NAF1: variants seen among roughly 807,000 people sequenced by gnomAD.
The protein encoded by NAF1 is nuclear assembly factor 1 ribonucleoprotein, also known as H/ACA ribonucleoprotein complex non-core subunit NAF1.
Under a neutral mutation model 40.6 loss-of-function variants are expected in NAF1, and 11 were observed. That is an observed-to-expected ratio of 0.27 (90% CI 0.17 to 0.45). NAF1 has a LOEUF of 0.45. Among genes scored for constraint, NAF1 ranks in the 20% least tolerant of loss-of-function variants. The pLI, the probability that NAF1 is intolerant of heterozygous loss-of-function variation, is 1.00. For missense variants in NAF1, 607 were observed against 611.1 expected, an observed-to-expected ratio of 0.99 and a Z score of 0.07; for synonymous variants, 260 against 228.5, an observed-to-expected ratio of 1.14 and a Z score of -1.24.
intron 2 of NAF1, among the ~76,000 whole-genome samples, chr4:163,117,708 CACACACACACGCAT>C: frequency 6.6e-6 from 1 of 151,664 alleles, no homozygotes; most frequent in Non-Finnish European, 1.5e-5. Flanking sequence ...CACACACACA[CACACACACACGCAT>C]GAATACATCA....
intron 2 of NAF1, among the ~76,000 whole-genome samples, chr4:163,152,903 C>A (rs1439093269): frequency 6.6e-6 from 1 of 152,174 alleles, no homozygotes; most frequent in African/African-American, 2.4e-5. Flanking sequence ...AGCTGGAGTT[C>A]CGGGTGGGCA....
rs1459157083 is a variant in NAF1 at position 163,149,989 on chromosome 4, C to T, written c.541-1555G>A. ...CTTGTTAAGTGGCAAATGTCATTTGCTAATCCAGAAGTACAGTGATAAAAT... is the reference window on the plus strand; with the variant it reads ...CTTGTTAAGTGGCAAATGTCATTTGTTAATCCAGAAGTACAGTGATAAAAT... On this transcript the variant is annotated intron_variant, in intron 2 of 7. Transcript: ENST00000274054. Among the ~76,000 whole-genome samples, 5 of 152,154 alleles carry T rather than the reference C, an allele frequency of 3.3e-5. No homozygotes were observed. In the South Asian group the frequency reaches 1.0e-3, roughly 32 times the overall value.
rs371523480 is a variant in NAF1, at chr4:163,140,212, A to G, written c.878+11T>C. The G allele has an allele frequency of 1.3e-5, 20 of 1,568,254 alleles. No homozygotes were observed. In the African/African-American group the frequency reaches 2.2e-4, roughly 17 times the overall value. On this transcript the variant is annotated intron_variant, in intron 5 of 7. Transcript: ENST00000274054. Reference sequence around the variant, plus strand: ...GGTAAGTGAAGAACAACATGCCGGTAAAGTACTTACTGTTTTAGTTTTTCT... The same window carrying G: ...GGTAAGTGAAGAACAACATGCCGGTGAAGTACTTACTGTTTTAGTTTTTCT...
chr4:163,127,149 A>T (rs139151622), downstream of NAF1: 77 of 1,544,194 alleles, frequency 5.0e-5, no homozygotes, highest in Middle Eastern at 3.4e-4. Flanking sequence ...TTTTACTTTG[A>T]GATGGAGTCT....
At chr4:163,165,732 G>A (rs1287397966) in intron 1 of NAF1, among the ~76,000 whole-genome samples, 1 of 152,166 alleles carries the variant, frequency 6.6e-6, no homozygotes, top group Non-Finnish European at 1.5e-5. Flanking sequence ...ACATGCTGGA[G>A]TCCTCTCCAG....
At chr4:163,127,301 TG>T (rs1730693853), downstream of NAF1, among the ~76,000 whole-genome samples, 1 of 151,992 alleles carries the variant, frequency 6.6e-6, no homozygotes, top group African/African-American at 2.4e-5. Context: ...GGCTAATTTT[TG>T]TATTTTTACT....
At chr4:163,107,326 G>T (rs1030261920), downstream of NAF1, among the ~76,000 whole-genome samples, 7 of 152,190 alleles carry the variant, frequency 4.6e-5, no homozygotes, top group African/African-American at 1.4e-4. Context: ...TGCTAGTAAA[G>T]GGGATCATTG....
intron 2 of NAF1, among the ~76,000 whole-genome samples, chr4:163,149,927 G>A (rs1343320076): frequency 6.6e-6 from 1 of 152,108 alleles, no homozygotes; most frequent in Non-Finnish European, 1.5e-5. Context: ...ATTGTGAGGG[G>A]AGTTTCACAT....
chr4:163,140,006 G>C (rs1731195525), intron 5 of NAF1, among the ~76,000 whole-genome samples: 1 of 151,956 alleles, frequency 6.6e-6, no homozygotes, highest in Non-Finnish European at 1.5e-5. Context: ...GCTCAAATGT[G>C]CTCTTAATGG....
At chr4:163,139,792 A>T (rs1014967243) in intron 5 of NAF1, among the ~76,000 whole-genome samples, 4 of 152,094 alleles carry the variant, frequency 2.6e-5, no homozygotes, top group Admixed American at 1.3e-4. Context: ...AAGAGATAAC[A>T]CTCATTTTTT....
chr4:163,145,948 T>A, intron 3 of NAF1, 84 bp from the exon 4 acceptor site: 1 of 743,038 alleles, frequency 1.3e-6, no homozygotes, highest in Non-Finnish European at 2.2e-6. Context: ...AATTCCAACA[T>A]AATTTAAAAA....
downstream of NAF1, among the ~76,000 whole-genome samples, chr4:163,108,242 A>T (rs990570291): frequency 6.6e-6 from 1 of 152,214 alleles, no homozygotes; most frequent in Non-Finnish European, 1.5e-5. Context: ...GTAATTGCTT[A>T]TAGGCAGGGA....
chr4:163,153,810 G>A (rs974601890), intron 2 of NAF1, among the ~76,000 whole-genome samples: 6 of 152,110 alleles, frequency 3.9e-5, no homozygotes, highest in Admixed American at 2.0e-4. Flanking sequence ...TTGGCAACCC[G>A]CTCGGGTCCC....
downstream of NAF1, among the ~76,000 whole-genome samples, chr4:163,108,506 G>A (rs1016726465): frequency 2.0e-5 from 3 of 152,144 alleles, no homozygotes; most frequent in African/African-American, 7.2e-5. Context: ...AATTCAATAA[G>A]AGAAAGCCAG....
intron 3 of NAF1, among the ~76,000 whole-genome samples, chr4:163,147,198 CA>C (rs1333813577): frequency 3.2e-4 from 48 of 151,910 alleles, no homozygotes; most frequent in African/African-American, 1.1e-3. Context: ...TGAAAAAGTA[CA>C]AAATTATGTA....
intron 1 of NAF1, 140 bp downstream of exon 1, chr4:163,166,223 C>T: frequency 9.1e-7 from 1 of 1,102,008 alleles, no homozygotes; most frequent in Non-Finnish European, 1.3e-6. Context: ...GCCAATACTT[C>T]AACACGTGAG....
At chr4:163,120,936 G>A (rs2110838454) in intron 2 of NAF1, among the ~76,000 whole-genome samples, 1 of 152,248 alleles carries the variant, frequency 6.6e-6, no homozygotes, top group South Asian at 2.1e-4. Context: ...TTGTCAACCA[G>A]GCTAGAGTGT....
Position 163,110,305 on chromosome 4 carries a change from G to C in NAF1, c.115-15C>G, listed in dbSNP as rs1411578360. Reference sequence around the variant, plus strand: ...TCAACCATGGTCTGAAAATAGGTGAGGTAAAATCAGATATTTTGAGAGAGA... The same window carrying C: ...TCAACCATGGTCTGAAAATAGGTGACGTAAAATCAGATATTTTGAGAGAGA... On this transcript the variant is annotated splice_polypyrimidine_tract_variant and intron_variant, in intron 2 of 2. Coordinates refer to the NAF1 transcript ENST00000509434. 7.2e-6 allele frequency: 5 copies of C among 698,048 alleles called. No homozygotes were observed. In the East Asian group the frequency reaches 1.4e-4, roughly 19 times the overall value. 43.2% of individuals were successfully genotyped at this position (698,048 alleles called of 1,614,324 possible). A position where few individuals can be genotyped will look rare whatever the true frequency, so the allele number is the denominator to read the frequency against.
At chr4:163,151,931 G>T (rs995706464) in intron 2 of NAF1, among the ~76,000 whole-genome samples, 4 of 151,792 alleles carry the variant, frequency 2.6e-5, no homozygotes, top group African/African-American at 4.8e-5. Flanking sequence ...CCCTTTATAG[G>T]GTATTGCTTG....
Sources: gnomAD v4.1 joint callset for allele counts (sites outside exome capture counted in the v4.1 genomes callset) on GRCh38, gnomAD v4.1.1 for gene constraint, MANE v1.5 for transcripts, NCBI Gene and HGNC (gene_info 2026-07-23, HGNC 2026-07-21) for gene names.